ADAMTS16: variants seen among roughly 807,000 people sequenced by gnomAD.
The protein encoded by ADAMTS16 is ADAM metallopeptidase with thrombospondin type 1 motif 16, also known as A disintegrin and metalloproteinase with thrombospondin motifs 16.
A neutral mutation model predicts 145.8 loss-of-function variants in ADAMTS16; 94 were observed. That is an observed-to-expected ratio of 0.64 (90% CI 0.55 to 0.77). ADAMTS16 has a LOEUF of 0.77. Ranked by LOEUF, ADAMTS16 falls within the 30% of genes least tolerant of loss-of-function variation. The probability of loss-of-function intolerance (pLI) is 0.00; values close to 1 mark genes in which losing one functional copy is unlikely to be tolerated. For missense variants in ADAMTS16, 1,585 were observed against 1,591.5 expected, an observed-to-expected ratio of 1.00 and a Z score of 0.07; for synonymous variants, 659 against 604.3, an observed-to-expected ratio of 1.09 and a Z score of -1.33.
chr5:5,169,330 C>T (rs1267783386), intron 3 of ADAMTS16, among the ~76,000 whole-genome samples: 1 of 152,078 alleles, frequency 6.6e-6, no homozygotes, highest in African/African-American at 2.4e-5. Flanking sequence ...CACAGAAGGC[C>T]CCTCCAGTTT....
At chr5:5,180,186 G>A (rs1245441657) in intron 3 of ADAMTS16, among the ~76,000 whole-genome samples, 6 of 152,216 alleles carry the variant, frequency 3.9e-5, no homozygotes, top group African/African-American at 7.2e-5. Context: ...ATTGGATGCC[G>A]TGGGTCAGCA....
intron 18 of ADAMTS16, among the ~76,000 whole-genome samples, chr5:5,264,673 C>G (rs182472322): frequency 1.8e-4 from 28 of 152,312 alleles, no homozygotes; most frequent in African/African-American, 6.5e-4. Context: ...CTTGTCCTCC[C>G]AGCACACCTG....
At position 5,305,027 on chromosome 5, in the gene ADAMTS16, ACACATC is replaced by A. The variant is rs1173123917; in HGVS notation, c.3186+1264_3186+1269del. Among the ~76,000 whole-genome samples the A allele has an allele frequency of 2.1e-4, 12 of 56,492 alleles. 2 individuals are homozygous for A. Among genetic ancestry groups the A allele is most frequent in the East Asian group, 7.4e-4 (1 of 1,358 alleles). 37.1% of individuals were successfully genotyped at this position (56,492 alleles called of 152,430 possible). ...CACATCCCACACCACACACACACAC[ACACATC>A]CATCCCACACCACACACACACATCC... On this transcript the variant is annotated intron_variant, in intron 20 of 22. Coordinates refer to ENST00000274181, the MANE Select transcript of ADAMTS16 (RefSeq NM_139056.4).
At chr5:5,254,617 A>G (rs1203040639) in intron 17 of ADAMTS16, among the ~76,000 whole-genome samples, 2 of 152,150 alleles carry the variant, frequency 1.3e-5, no homozygotes, top group East Asian at 3.9e-4. Flanking sequence ...TAGAGGGTAA[A>G]TTTATGAAAT....
intron 21 of ADAMTS16, among the ~76,000 whole-genome samples, chr5:5,308,036 T>C (rs1418276616): frequency 6.6e-6 from 1 of 152,224 alleles, no homozygotes; most frequent in East Asian, 1.9e-4. Flanking sequence ...CATGTGCTTC[T>C]GCTTCCCACC....
chr5:5,318,263 C>T lies in ADAMTS16; in HGVS notation c.3541C>T (p.Pro1181Ser). Residue 1181 changes from proline to serine, a missense_variant, in exon 22 of 23, where the codon CCC becomes TCC. Pro to Ser is a moderately conservative substitution (Grantham distance 74). Coordinates refer to ENST00000274181, the MANE Select transcript of ADAMTS16 (RefSeq NM_139056.4). ...ASLACNTHFC[P>S]IAEKKDAFCK... ...CCTGGCCTGCAACACTCACTTCTGC[C>T]CCATTGCAGAGAAGAAAGGTGAGTA... 1 of 1,513,846 alleles carries T rather than the reference C, an allele frequency of 6.6e-7. No homozygotes were observed. Among genetic ancestry groups the T allele is most frequent in the Non-Finnish European group, 8.9e-7 (1 of 1,122,464 alleles). 93.8% of individuals were successfully genotyped at this position (1,513,846 alleles called of 1,614,324 possible).
intron 3 of ADAMTS16, among the ~76,000 whole-genome samples, chr5:5,174,548 C>A (rs1480500328): frequency 1.3e-5 from 2 of 152,140 alleles, no homozygotes; most frequent in Admixed American, 1.3e-4. Context: ...TTCCATCTCT[C>A]TCTCTGCCTT....
intron 21 of ADAMTS16, among the ~76,000 whole-genome samples, chr5:5,314,315 C>A (rs1213270726): frequency 6.6e-6 from 1 of 152,164 alleles, no homozygotes; most frequent in Non-Finnish European, 1.5e-5. Context: ...CAGGAATTAG[C>A]ATGTATTTAT....
chr5:5,316,730 G>A (rs1734070249), intron 21 of ADAMTS16, among the ~76,000 whole-genome samples: 2 of 152,154 alleles, frequency 1.3e-5, no homozygotes, highest in Admixed American at 6.5e-5. Context: ...AGCTGGCAGT[G>A]CCCACCCTCA....
At chr5:5,252,171 C>A (rs532061437) in intron 17 of ADAMTS16, among the ~76,000 whole-genome samples, 1 of 152,240 alleles carries the variant, frequency 6.6e-6, no homozygotes, top group East Asian at 1.9e-4. Context: ...AATACTACAT[C>A]CCCGTGTCTA....
chr5:5,198,878 T>C (rs997380580), intron 8 of ADAMTS16, among the ~76,000 whole-genome samples: 1 of 152,180 alleles, frequency 6.6e-6, no homozygotes, highest in Non-Finnish European at 1.5e-5. Flanking sequence ...GGCAGCATAA[T>C]GTCCCACATA....
chr5:5,173,893 TTTAGTC>T (rs1216599604), intron 3 of ADAMTS16, among the ~76,000 whole-genome samples: 6 of 152,236 alleles, frequency 3.9e-5, no homozygotes, highest in Non-Finnish European at 8.8e-5. Context: ...TTACTTGTAT[TTTAGTC>T]TTATTTCTCA....
intron 10 of ADAMTS16, among the ~76,000 whole-genome samples, chr5:5,213,544 A>G (rs1274466382): frequency 6.6e-6 from 1 of 152,114 alleles, no homozygotes; most frequent in African/African-American, 2.4e-5. Flanking sequence ...AGATACTTCT[A>G]TTATATTATG....
At chr5:5,179,707 G>C (rs1735288264) in intron 3 of ADAMTS16, among the ~76,000 whole-genome samples, 1 of 152,154 alleles carries the variant, frequency 6.6e-6, no homozygotes, top group African/African-American at 2.4e-5. Context: ...TGCAGGAAAG[G>C]CTGCCTCTGC....
chr5:5,211,184 T>C (rs1736264562), intron 10 of ADAMTS16, among the ~76,000 whole-genome samples: 1 of 152,178 alleles, frequency 6.6e-6, no homozygotes. Context: ...TAAATGTTGA[T>C]TAGAATTCAC....
At chr5:5,244,284 T>C (rs1195486403) in intron 17 of ADAMTS16, among the ~76,000 whole-genome samples, 1 of 152,242 alleles carries the variant, frequency 6.6e-6, no homozygotes, top group Non-Finnish European at 1.5e-5. Flanking sequence ...CTTTCTCTCC[T>C]GTTCTCTCTC....
At chr5:5,185,446 A>G (rs1266356039) in intron 4 of ADAMTS16, among the ~76,000 whole-genome samples, 1 of 152,372 alleles carries the variant, frequency 6.6e-6, no homozygotes, top group East Asian at 1.9e-4. Flanking sequence ...TTACTTCAAG[A>G]GGAAAGTGTA....
Position 5,303,598 on chromosome 5 carries a change from G to T in ADAMTS16, c.3018G>T (p.Trp1006Cys). 2.5e-6 allele frequency: 4 copies of T among 1,614,174 alleles called. No homozygotes were observed. The highest frequency in any genetic ancestry group is 3.4e-6 in the Non-Finnish European group (4 of 1,180,030). The change falls in exon 20 of 23, where the codon TGG (tryptophan) becomes TGT (cysteine). Residue 1006 changes from tryptophan to cysteine, a missense_variant. This residue lies in a region of ADAMTS16 where 834 missense variants were observed against 811.7 expected (regional missense o/e 1.03). Coordinates refer to ENST00000274181, the MANE Select transcript of ADAMTS16 (RefSeq NM_139056.4). ...GCTCACACACCTGTGGGAAGGGGTG[G>T]AGGAAGCGGGCAGTGGCCTGTAAGA... ...AECSHTCGKGWRKRAVACKST... is the reference protein window; with the variant it reads ...AECSHTCGKGCRKRAVACKST...
At chr5:5,243,028 A>G (rs1239940589) in intron 17 of ADAMTS16, among the ~76,000 whole-genome samples, 2 of 152,248 alleles carry the variant, frequency 1.3e-5, no homozygotes, top group Admixed American at 6.5e-5. Flanking sequence ...TGGTTCATAA[A>G]TGAGAACTGG....
Sources: gnomAD v4.1 joint callset for allele counts (sites outside exome capture counted in the v4.1 genomes callset) on GRCh38, gnomAD v4.1.1 for gene constraint, gnomAD v4.1.1 regional missense constraint, MANE v1.5 for transcripts, NCBI Gene and HGNC (gene_info 2026-07-23, HGNC 2026-07-21) for gene names.